The following CTNNA2 variants were observed in gnomAD, a reference collection of about 807,000 sequenced individuals.
The protein encoded by CTNNA2 is catenin alpha-2.
CTNNA2 carries 42 observed loss-of-function variants against 101.0 expected under a neutral mutation model. That is an observed-to-expected ratio of 0.42 (90% CI 0.32 to 0.54). The LOEUF (loss-of-function observed/expected upper bound fraction) is 0.54, where lower values mean the gene tolerates loss of function less well. Ranked by LOEUF, CTNNA2 falls within the 20% of genes least tolerant of loss-of-function variation. The pLI, the probability that CTNNA2 is intolerant of heterozygous loss-of-function variation, is 0.14. For missense variants in CTNNA2, 871 were observed against 1,223.1 expected (o/e 0.71, Z 4.29); for synonymous variants, 450 against 456.4 (o/e 0.99, Z 0.18).
At chr2:79,929,949 G>A (rs1362762091) in intron 7 of CTNNA2, among the ~76,000 whole-genome samples, 2 of 151,960 alleles carry the variant, frequency 1.3e-5, no homozygotes, top group African/African-American at 2.4e-5. Context: ...AGTAATCTGG[G>A]TTCCTGGCCA....
At chr2:80,207,984 G>A (rs1156783732) in intron 7 of CTNNA2, among the ~76,000 whole-genome samples, 1 of 152,184 alleles carries the variant, frequency 6.6e-6, no homozygotes, top group Admixed American at 6.5e-5. Context: ...CACATGCAGG[G>A]AGATCAGATG....
chr2:79,958,283 G>T (rs1558675228), intron 7 of CTNNA2, among the ~76,000 whole-genome samples: 1 of 152,102 alleles, frequency 6.6e-6, no homozygotes, highest in Non-Finnish European at 1.5e-5. Context: ...TAATATCTAT[G>T]AATTAGTAAC....
chr2:79,435,487 C>T (rs1678703238), intron 4 of CTNNA2, among the ~76,000 whole-genome samples: 1 of 152,168 alleles, frequency 6.6e-6, no homozygotes, highest in South Asian at 2.1e-4. Flanking sequence ...GCCCCAAATG[C>T]TACCTTGCTC....
intron 7 of CTNNA2, among the ~76,000 whole-genome samples, chr2:79,918,998 T>A (rs1686462651): frequency 6.6e-6 from 1 of 152,204 alleles, no homozygotes; most frequent in South Asian, 2.1e-4. Flanking sequence ...CAGCACTGAC[T>A]GGGCAGACTT....
At chr2:80,589,068 G>C (rs989537310) in intron 14 of CTNNA2, among the ~76,000 whole-genome samples, 1 of 152,118 alleles carries the variant, frequency 6.6e-6, no homozygotes, top group Non-Finnish European at 1.5e-5. Flanking sequence ...CAGTGCGCAC[G>C]TAGCTTTGGA....
chr2:80,648,203 C>A lies in CTNNA2; in HGVS notation c.*331C>A. ...AAACTTAACTCTACAAAAGCAAACT[C>A]TAATGCATGCAAGAATCATTAGGTT... On this transcript the variant is annotated 3_prime_UTR_variant, in exon 19 of 19. Coordinates refer to ENST00000402739, the MANE Select transcript of CTNNA2 (RefSeq NM_001282597.3). 5.5e-6 allele frequency: 1 copy of A among 181,206 alleles called. No individual in the cohort carries two copies. Among genetic ancestry groups the A allele is most frequent in the Non-Finnish European group, 1.2e-5 (1 of 86,166 alleles). 11.2% of individuals were successfully genotyped at this position (181,206 alleles called of 1,614,324 possible).
At chr2:79,269,509 G>A (rs1675034143) in intron 2 of CTNNA2, among the ~76,000 whole-genome samples, 1 of 152,126 alleles carries the variant, frequency 6.6e-6, no homozygotes, top group Non-Finnish European at 1.5e-5. Flanking sequence ...CAGAATTTCT[G>A]AAGGCATAGC....
intron 3 of CTNNA2, among the ~76,000 whole-genome samples, chr2:79,358,344 C>T (rs575259968): frequency 6.6e-6 from 1 of 152,060 alleles, no homozygotes; most frequent in Non-Finnish European, 1.5e-5. Context: ...GGGTTATAGG[C>T]GTCAGCCACC....
At chr2:80,108,883 T>C (rs934575291) in intron 7 of CTNNA2, among the ~76,000 whole-genome samples, 1 of 146,958 alleles carries the variant, frequency 6.8e-6, no homozygotes, top group Non-Finnish European at 1.5e-5. Flanking sequence ...AAGGTACTGC[T>C]CCCAAGGGTG....
At chr2:80,053,869 T>C (rs1697041745) in intron 7 of CTNNA2, among the ~76,000 whole-genome samples, 1 of 152,266 alleles carries the variant, frequency 6.6e-6, no homozygotes. Flanking sequence ...AGCAAATTTG[T>C]ATGTAGATAT....
Position 79,718,190 on chromosome 2 carries a change from C to T in CTNNA2, c.103-26197C>T, listed in dbSNP as rs530043723. Among the ~76,000 whole-genome samples, 13 of 152,172 alleles carry T rather than the reference C, an allele frequency of 8.5e-5. No homozygotes were observed. In the East Asian group the frequency reaches 2.1e-3, roughly 25 times the overall value. Reference sequence around the variant, plus strand: ...ACATACTCTGATTTCCTCTTTGATACGACTTTTATTACTTCTCAAATGAAG... The same window carrying T: ...ACATACTCTGATTTCCTCTTTGATATGACTTTTATTACTTCTCAAATGAAG... On this transcript the variant is annotated intron_variant, in intron 2 of 18. Transcript: ENST00000402739.
intron 1 of CTNNA2, among the ~76,000 whole-genome samples, chr2:79,616,561 A>G (rs1186483047): frequency 2.0e-5 from 3 of 152,208 alleles, no homozygotes; most frequent in African/African-American, 7.2e-5. Context: ...ACAACTTACC[A>G]TTGTAAAAAC....
At chr2:80,143,656 C>G (rs1703152732) in intron 7 of CTNNA2, among the ~76,000 whole-genome samples, 1 of 152,056 alleles carries the variant, frequency 6.6e-6, no homozygotes, top group Non-Finnish European at 1.5e-5. Flanking sequence ...AAAATACATT[C>G]CTACATTCTC....
intron 4 of CTNNA2, among the ~76,000 whole-genome samples, chr2:79,396,686 G>A (rs1455612825): frequency 6.6e-6 from 1 of 152,080 alleles, no homozygotes; most frequent in Non-Finnish European, 1.5e-5. Flanking sequence ...AGGCTTTCCT[G>A]ATGCTATGAT....
At chr2:80,389,471 C>T (rs1211049428) in intron 7 of CTNNA2, among the ~76,000 whole-genome samples, 1 of 152,130 alleles carries the variant, frequency 6.6e-6, no homozygotes, top group Non-Finnish European at 1.5e-5. Flanking sequence ...TCCTCTTTCT[C>T]CCTCTCCGTC....
chr2:79,790,039 G>A (rs1194295895), intron 3 of CTNNA2, among the ~76,000 whole-genome samples: 1 of 152,144 alleles, frequency 6.6e-6, no homozygotes, highest in Non-Finnish European at 1.5e-5. Flanking sequence ...GAGCACCTCA[G>A]GGAATATTTA....
intron 4 of CTNNA2, among the ~76,000 whole-genome samples, chr2:79,501,384 C>T (rs1671317992): frequency 6.6e-6 from 1 of 152,194 alleles, no homozygotes; most frequent in Non-Finnish European, 1.5e-5. Flanking sequence ...CCCACCTCTG[C>T]CTCCTGAGTA....
Position 80,076,278 on chromosome 2 carries a change from C to A in CTNNA2, c.1056+166481C>A, listed in dbSNP as rs146539919. The stretch of plus-strand genomic sequence containing the variant: ...TACAGACTTTTTGCATCATTTTTTC[C>A]TTTTTTTTTTTTCTTTTTTAGATAG... On this transcript the variant is annotated intron_variant, in intron 7 of 18. Coordinates refer to ENST00000402739, the MANE Select transcript of CTNNA2 (RefSeq NM_001282597.3). Among the ~76,000 whole-genome samples the A allele has an allele frequency of 2.9e-3, 418 of 145,130 alleles. 3 individuals are homozygous for A. Among genetic ancestry groups the A allele is most frequent in the African/African-American group, 9.9e-3 (393 of 39,510 alleles).
chr2:80,200,630 G>C (rs1382823893), intron 7 of CTNNA2, among the ~76,000 whole-genome samples: 1 of 152,076 alleles, frequency 6.6e-6, no homozygotes, highest in East Asian at 1.9e-4. Context: ...CCACCTCCTG[G>C]GTTCAAGCAA....
Sources: allele counts gnomAD v4.1 joint callset (sites outside exome capture counted in the v4.1 genomes callset), GRCh38; gene constraint gnomAD v4.1.1; transcripts MANE v1.5; gene names NCBI Gene and HGNC (gene_info 2026-07-23, HGNC 2026-07-21).